The following MED27 variants were observed in gnomAD, a reference collection of about 807,000 sequenced individuals.
The protein encoded by MED27 is mediator complex subunit 27.
A neutral mutation model predicts 38.2 loss-of-function variants in MED27; 30 were observed. The observed-to-expected ratio is 0.79, with a 90% CI of 0.59 to 1.07. The LOEUF is 1.07. MED27 is among the 50% of genes least tolerant of loss of function. The pLI, the probability that MED27 is intolerant of heterozygous loss-of-function variation, is 0.00. For missense variants in MED27, 289 were observed against 397.5 expected (o/e 0.73, Z 2.32); for synonymous variants, 122 against 153.5 (o/e 0.79, Z 1.52).
intron 2 of MED27, among the ~76,000 whole-genome samples, chr9:132,018,190 T>C (rs1832644721): frequency 6.6e-6 from 1 of 152,216 alleles, no homozygotes; most frequent in African/African-American, 2.4e-5. Flanking sequence ...AGGTATTTGA[T>C]GTGAAGGAAT....
chr9:131,901,588 C>A (rs1013798922), intron 4 of MED27, among the ~76,000 whole-genome samples: 2 of 152,202 alleles, frequency 1.3e-5, no homozygotes, highest in African/African-American at 4.8e-5. Context: ...CCAGAAAATG[C>A]CTGGTTCAGC....
chr9:131,915,478 G>T (rs920267731), intron 4 of MED27, among the ~76,000 whole-genome samples: 4 of 152,072 alleles, frequency 2.6e-5, no homozygotes, highest in Non-Finnish European at 4.4e-5. Context: ...AGATGGGGAG[G>T]GGGAAAAGAC....
At chr9:132,052,276 A>T (rs1833480505) in intron 2 of MED27, among the ~76,000 whole-genome samples, 1 of 152,234 alleles carries the variant, frequency 6.6e-6, no homozygotes, top group South Asian at 2.1e-4. Context: ...AACACTGTGG[A>T]CAAAAGCAGA....
intron 2 of MED27, among the ~76,000 whole-genome samples, chr9:132,040,689 A>C (rs1833188995): frequency 6.6e-6 from 1 of 152,320 alleles, no homozygotes; most frequent in South Asian, 2.1e-4. Context: ...GGAGCACTCA[A>C]GGTGACAAAG....
chr9:131,965,989 C>T (rs533704659), intron 3 of MED27, among the ~76,000 whole-genome samples: 1 of 150,322 alleles, frequency 6.7e-6, no homozygotes, highest in Non-Finnish European at 1.5e-5. Context: ...TTCAGAGACC[C>T]GGGAGTCTTT....
intron 2 of MED27, among the ~76,000 whole-genome samples, chr9:132,030,715 T>G (rs1013376850): frequency 1.2e-4 from 18 of 152,216 alleles, no homozygotes; most frequent in African/African-American, 4.3e-4. Flanking sequence ...TATAGACCTA[T>G]GTGTAAAAGA....
At chr9:131,983,758 G>A (rs903315926) in intron 3 of MED27, among the ~76,000 whole-genome samples, 4 of 151,972 alleles carry the variant, frequency 2.6e-5, no homozygotes, top group African/African-American at 7.3e-5. Context: ...TGAAATAACC[G>A]AATTCATCTG....
At chr9:132,070,362 C>T (rs554981607) in intron 2 of MED27, among the ~76,000 whole-genome samples, 2 of 152,260 alleles carry the variant, frequency 1.3e-5, no homozygotes, top group Admixed American at 1.3e-4. Context: ...TTGAAACCAG[C>T]CTGGGCGACA....
rs530802184 is a variant in MED27, at chr9:131,889,382, C to T, written c.681+4503G>A. Among the ~76,000 whole-genome samples the T allele has an allele frequency of 3.3e-5, 5 of 152,228 alleles. No homozygotes were observed. Among genetic ancestry groups the T allele is most frequent in the South Asian group, 4.1e-4 (2 of 4,824 alleles). ...AATCCCCCAAAAAGTTAAATTCGAACGAGACACATTTTTTTTTCAGTTAAG... is the reference window on the plus strand; with the variant it reads ...AATCCCCCAAAAAGTTAAATTCGAATGAGACACATTTTTTTTTCAGTTAAG... On this transcript the variant is annotated intron_variant, in intron 5 of 7. Coordinates refer to ENST00000292035, the MANE Select transcript of MED27 (RefSeq NM_004269.4). This position sits in a 1 kb window ranked among gnomAD's most constrained non-coding sequence, Gnocchi z 4.2.
At chr9:131,910,014 A>C (rs776093409) in intron 4 of MED27, among the ~76,000 whole-genome samples, 1 of 152,224 alleles carries the variant, frequency 6.6e-6, no homozygotes, top group Non-Finnish European at 1.5e-5. Context: ...TAAGGCTTTT[A>C]TAAGATTTGA....
chr9:131,971,399 A>G (rs1831473658), intron 3 of MED27, among the ~76,000 whole-genome samples: 1 of 152,210 alleles, frequency 6.6e-6, no homozygotes, highest in African/African-American at 2.4e-5. Context: ...GAGGCAGCGG[A>G]GCCAGGAGGG....
intron 2 of MED27, among the ~76,000 whole-genome samples, chr9:132,033,634 G>A (rs951494044): frequency 6.6e-6 from 1 of 152,202 alleles, no homozygotes; most frequent in Non-Finnish European, 1.5e-5. Context: ...TGAGATCTCT[G>A]CCATTATTGG....
At chr9:131,896,731 C>G (rs564838254) in intron 4 of MED27, among the ~76,000 whole-genome samples, 1 of 151,910 alleles carries the variant, frequency 6.6e-6, no homozygotes, top group South Asian at 2.1e-4. Flanking sequence ...TATATATTTT[C>G]TTTCTTTTTT....
chr9:131,866,020 G>A (rs1172682219), intron 6 of MED27, among the ~76,000 whole-genome samples: 5 of 152,184 alleles, frequency 3.3e-5, no homozygotes, highest in South Asian at 4.1e-4. Flanking sequence ...GCACCCTAGG[G>A]TCTTGGATCC....
intron 1 of MED27, among the ~76,000 whole-genome samples, chr9:132,077,857 G>A (rs906432909): frequency 4.6e-5 from 7 of 152,078 alleles, no homozygotes; most frequent in Admixed American, 4.6e-4. Flanking sequence ...CCCATAATCA[G>A]AAATTAACAA....
intron 3 of MED27, among the ~76,000 whole-genome samples, chr9:131,992,894 C>G (rs1373786291): frequency 6.6e-6 from 1 of 152,200 alleles, no homozygotes; most frequent in African/African-American, 2.4e-5. Flanking sequence ...CTAGCACTTA[C>G]TGAGTGATCG....
Position 131,860,469 on chromosome 9 carries a change from C to A in MED27, c.*69G>T, listed in dbSNP as rs756736909. 50 of 1,453,964 alleles carry A rather than the reference C, an allele frequency of 3.4e-5. No homozygotes were observed. The highest frequency in any genetic ancestry group is 4.4e-5 in the Non-Finnish European group (48 of 1,101,574). 90.1% of individuals were successfully genotyped at this position (1,453,964 alleles called of 1,614,324 possible). On this transcript the variant is annotated 3_prime_UTR_variant, in exon 8 of 8. Transcript: ENST00000292035. The surrounding 1 kb of genome is among the most constrained non-coding windows in gnomAD (Gnocchi z 5.8). ...TCTGGGCAGTGAGGAACCAGCTGAG[C>A]CTTCTGTGGGCTTCCTGCGTGTCTG...
chr9:131,939,475 C>G lies in MED27; in HGVS notation c.480-1G>C, dbSNP rs770003776. ...GCGGCTGATCACATCATCAACATAT[C>G]TACATGGGAAAAAAATAAACATGTG... On this transcript the variant is annotated splice_acceptor_variant, in intron 3 of 7. Coordinates refer to ENST00000292035, the MANE Select transcript of MED27 (RefSeq NM_004269.4). LOFTEE classifies it high-confidence loss of function. 1.3e-6 allele frequency: 2 copies of G among 1,596,026 alleles called. No homozygotes were observed. The highest frequency in any genetic ancestry group is 2.3e-5 in the East Asian group (1 of 44,220).
chr9:132,071,578 G>A lies in MED27; in HGVS notation c.348+5864C>T, dbSNP rs115008973. 5.4e-3 allele frequency among the ~76,000 whole-genome samples: 786 copies of A among 145,800 alleles called. 13 individuals carry two copies. Among genetic ancestry groups the A allele is most frequent in the African/African-American group, 0.018 (722 of 39,266 alleles). On this transcript the variant is annotated intron_variant, in intron 2 of 7. Transcript: ENST00000292035. The stretch of plus-strand genomic sequence containing the variant: ...AGCACACCAAACACACAAGTAACCC[G>A]TATCCCATGAACCTGTGCCCCATGA...
Sources: gnomAD v4.1 joint callset for allele counts (sites outside exome capture counted in the v4.1 genomes callset) on GRCh38, gnomAD v4.1.1 for gene constraint, Gnocchi (gnomAD v3.1) non-coding constraint, MANE v1.5 for transcripts, NCBI Gene and HGNC (gene_info 2026-07-23, HGNC 2026-07-21) for gene names.